Variants in IGSF9B observed in about 807,000 individuals in gnomAD.
The protein encoded by IGSF9B is immunoglobulin superfamily member 9B.
Under a neutral mutation model 143.7 loss-of-function variants are expected in IGSF9B, and 48 were observed. The observed-to-expected ratio is 0.33, with a 90% CI of 0.26 to 0.42. The LOEUF (loss-of-function observed/expected upper bound fraction) is 0.42. Ranked by LOEUF, IGSF9B falls within the 20% of genes least tolerant of loss-of-function variation. IGSF9B has a pLI of 1.00. For missense variants in IGSF9B, 1,706 were observed against 1,980.0 expected, an observed-to-expected ratio of 0.86 and a Z score of 2.63; for synonymous variants, 903 against 833.1, an observed-to-expected ratio of 1.08 and a Z score of -1.44.
In IGSF9B at chr11:133,921,100, C is replaced by G. The variant is rs535240111; in HGVS notation, c.2625G>C (p.Glu875Asp). The change falls in exon 18 of 20, where the codon GAG becomes GAC. Residue 875 changes from glutamate (E) to aspartate (D), a missense_variant. Coordinates refer to ENST00000533871, the MANE Select transcript of IGSF9B (RefSeq NM_001277285.4). ...CCGTCTCCTCGGCGAAGGGGAAGCC[C>G]TCGATGCGCCTGCTCTTCAGCGAGG... ...MEPSLKSRRI[E>D]GFPFAEETDM... 3 of 1,613,772 alleles carry G rather than the reference C, an allele frequency of 1.9e-6. No homozygotes were observed. Among genetic ancestry groups the G allele is most frequent in the Admixed American group, 3.3e-5 (2 of 60,012 alleles).
rs1939249017 is a variant in IGSF9B, at chr11:133,908,602, C to G, written c.*467G>C. ...ACATATATATATATATATATACACA[C>G]ATAGAGAAACCCACACACTACAGAC... On this transcript the variant is annotated 3_prime_UTR_variant, in exon 20 of 20. Coordinates refer to ENST00000533871, the MANE Select transcript of IGSF9B (RefSeq NM_001277285.4). 6.5e-6 allele frequency: 1 copy of G among 154,162 alleles called. No homozygotes were observed. Among genetic ancestry groups the G allele is most frequent in the South Asian group, 2.0e-4 (1 of 4,966 alleles). The allele number at this position is 154,162 out of a possible 1,614,324, so 9.5% of individuals were successfully genotyped here.
intron 1 of IGSF9B, among the ~76,000 whole-genome samples, chr11:133,949,562 T>G (rs1940121494): frequency 1.3e-5 from 2 of 151,606 alleles, no homozygotes; most frequent in Non-Finnish European, 2.9e-5. Flanking sequence ...AGGTGCAAAG[T>G]GGAGAGCAAA....
chr11:133,916,820 A>G (rs974670747), intron 18 of IGSF9B, among the ~76,000 whole-genome samples: 1 of 152,072 alleles, frequency 6.6e-6, no homozygotes, highest in East Asian at 1.9e-4. Context: ...TGGAGGAGTC[A>G]CAGCTGGGAC....
chr11:133,918,935 G>A (rs1415886721), intron 18 of IGSF9B: 4 of 462,946 alleles, frequency 8.6e-6, no homozygotes, highest in Admixed American at 4.7e-5. Context: ...ACTGGAGAAG[G>A]AAGGAGGGGC....
intron 17 of IGSF9B, 66 bp downstream of exon 17, chr11:133,922,111 C>T (rs1939549688): frequency 2.2e-6 from 3 of 1,350,234 alleles, no homozygotes; most frequent in African/African-American, 2.9e-5. Context: ...CTGGGTAAGG[C>T]GAGCGGTCTA....
At chr11:133,924,777 C>A in intron 15 of IGSF9B, 43 bp downstream of exon 15, 1 of 1,505,376 alleles carries the variant, frequency 6.6e-7, no homozygotes, top group South Asian at 1.1e-5. Flanking sequence ...AGCTCTGGGG[C>A]TTATGTCCCT....
intron 1 of IGSF9B, 52 bp downstream of exon 1, chr11:133,956,639 G>T: frequency 1.6e-6 from 2 of 1,285,396 alleles, no homozygotes; most frequent in South Asian, 1.3e-5. Context: ...CCGGGCGCGA[G>T]GGGCCGAGGG....
In IGSF9B at chr11:133,903,034, C is replaced by T. The variant is rs1002491914; in HGVS notation, c.*6035G>A. Among the ~76,000 whole-genome samples the T allele has an allele frequency of 6.6e-6, 1 of 152,086 alleles. No individual in the cohort carries two copies. ...CCCAACCCCCTGCCCTCCGAGATTC[C>T]CTGCCCCTCCCACCACCTCCCCATC... is the stretch of plus-strand genomic sequence containing the variant. On this transcript the variant is annotated 3_prime_UTR_variant, in exon 20 of 20. Coordinates refer to ENST00000533871, the MANE Select transcript of IGSF9B (RefSeq NM_001277285.4).
Position 133,920,211 on chromosome 11 carries a change from C to G in IGSF9B, c.3514G>C (p.Glu1172Gln), listed in dbSNP as rs960274866. The G allele has an allele frequency of 1.3e-6, 2 of 1,514,684 alleles. No homozygotes were observed. Among genetic ancestry groups the G allele is most frequent in the Middle Eastern group, 1.8e-4 (1 of 5,596 alleles). 93.8% of individuals were successfully genotyped at this position (1,514,684 alleles called of 1,614,324 possible). A position where few individuals can be genotyped will look rare whatever the true frequency, so the allele number is the denominator to read the frequency against. Residue 1172 changes from glutamate to glutamine, a missense_variant, in exon 18 of 20, where the codon GAG becomes CAG. This residue lies in a region of IGSF9B where 880 missense variants were observed against 762.9 expected (regional missense o/e 1.15). Coordinates refer to ENST00000533871, the MANE Select transcript of IGSF9B (RefSeq NM_001277285.4). The stretch of plus-strand genomic sequence containing the variant: ...CTAGGCCGGGGCCGGGGCTGGGGCT[C>G]ATACCACCGGGTGTCCAGGCCAAAT... ...STFGLDTRWY[E>Q]PQPRPRPSPR...
At position 133,925,820 on chromosome 11, in the gene IGSF9B, G is replaced by A. The variant is rs1033560351; in HGVS notation, c.1953C>T (p.Phe651=). The change falls in exon 14 of 20, where the codon TTC becomes TTT. Residue 651 remains phenylalanine (F), a synonymous_variant. Coordinates refer to ENST00000533871, the MANE Select transcript of IGSF9B (RefSeq NM_001277285.4). Reference sequence around the variant, plus strand: ...GCAACTCCCAGCGCTCTGCGACACGGAACTCCATGATGTAGCGGTCGATGG... The same window carrying A: ...GCAACTCCCAGCGCTCTGCGACACGAAACTCCATGATGTAGCGGTCGATGG... ...SFPIDRYIME[F]RVAERWELLD... is the part of the protein sequence containing the mutation. 1 of 1,613,818 alleles carries A rather than the reference G, an allele frequency of 6.2e-7. No homozygotes were observed. The highest frequency in any genetic ancestry group is 2.2e-5 in the East Asian group (1 of 44,892).
Position 133,909,333 on chromosome 11 carries a change from C to T in IGSF9B, c.4106-56G>A, listed in dbSNP as rs779900599. On this transcript the variant is annotated intron_variant, in intron 19 of 19. Transcript: ENST00000533871. The surrounding 1 kb of genome is among the most constrained non-coding windows in gnomAD (Gnocchi z 4.2). ...GAAGCAAGCGGATGAAAAGGAAGCA[C>T]GCAGCCTGCTCACCTTTTCCACCTG... 9.8e-6 allele frequency: 13 copies of T among 1,333,322 alleles called. No homozygotes were observed. Among genetic ancestry groups the T allele is most frequent in the African/African-American group, 4.4e-5 (3 of 68,878 alleles). The allele number at this position is 1,333,322 out of a possible 1,614,324, so 82.6% of individuals were successfully genotyped here.
intron 18 of IGSF9B, chr11:133,919,130 G>T: frequency 2.7e-6 from 1 of 374,928 alleles, no homozygotes; most frequent in South Asian, 1.8e-5. Context: ...GGGGGGGGGT[G>T]GGGGACGTGT....
chr11:133,927,128 G>A (rs755332222), intron 12 of IGSF9B, 37 bp from the exon 13 acceptor site: 1 of 1,508,510 alleles, frequency 6.6e-7, no homozygotes, highest in South Asian at 1.2e-5. Flanking sequence ...GGGACGAGGG[G>A]CGGGGTGGGT....
chr11:133,940,470 G>A (rs570462797), intron 3 of IGSF9B, among the ~76,000 whole-genome samples: 78 of 127,442 alleles, frequency 6.1e-4, no homozygotes, highest in African/African-American at 1.8e-3. Flanking sequence ...GTCCTCGCAC[G>A]CGTCATCGCA....
chr11:133,900,365 G>A lies in IGSF9B; in HGVS notation c.*8704C>T, dbSNP rs745633240. ...TTCAAATACATCACTCCGAGCTCCG[G>A]GCAAGTCAGGAAGGAGCTAGCACCA... On this transcript the variant is annotated 3_prime_UTR_variant, in exon 20 of 20. Transcript: ENST00000533871. 3.9e-5 allele frequency: 6 copies of A among 152,754 alleles called. No homozygotes were observed. Among genetic ancestry groups the A allele is most frequent in the Admixed American group, 2.6e-4 (4 of 15,280 alleles). The allele number at this position is 152,754 out of a possible 1,614,324, so 9.5% of individuals were successfully genotyped here. A position where few individuals can be genotyped will look rare whatever the true frequency, so the allele number is the denominator to read the frequency against.
rs1939205593 is a variant in IGSF9B at position 133,905,980 on chromosome 11, A to G, written c.*3089T>C. On this transcript the variant is annotated 3_prime_UTR_variant, in exon 20 of 20. Transcript: ENST00000533871. This position sits in a 1 kb window ranked among gnomAD's most constrained non-coding sequence, Gnocchi z 4.0. ...TGGTCTGTGGGTCACCTGACACTAC[A>G]ACAGCCACAGTTCTCAGCCATGATG... Among the ~76,000 whole-genome samples, 1 of 152,252 alleles carries G rather than the reference A, an allele frequency of 6.6e-6. No individual in the cohort carries two copies. The highest frequency in any genetic ancestry group is 2.1e-4 in the South Asian group (1 of 4,834).
intron 18 of IGSF9B, chr11:133,912,469 AG>A (rs1939316114): frequency 9.5e-6 from 4 of 420,202 alleles, no homozygotes; most frequent in South Asian, 3.5e-5. Context: ...TCTCCAGAAA[AG>A]GGGGTGCTAA....
In IGSF9B at chr11:133,908,932, C is replaced by A; in HGVS notation, c.*137G>T. The A allele has an allele frequency of 1.4e-6, 1 of 730,536 alleles. No individual in the cohort carries two copies. The highest frequency in any genetic ancestry group is 2.6e-5 in the Admixed American group (1 of 38,764). 45.3% of individuals were successfully genotyped at this position (730,536 alleles called of 1,614,324 possible). A position where few individuals can be genotyped will look rare whatever the true frequency, so the allele number is the denominator to read the frequency against. On this transcript the variant is annotated 3_prime_UTR_variant, in exon 20 of 20. Coordinates refer to ENST00000533871, the MANE Select transcript of IGSF9B (RefSeq NM_001277285.4). ...GCCAGGATCTGGAGGGAGACACCCGCTCTGGCAAAAGAGGGGGCATGCAGG... is the reference window on the plus strand; with the variant it reads ...GCCAGGATCTGGAGGGAGACACCCGATCTGGCAAAAGAGGGGGCATGCAGG...
At chr11:133,952,340 G>C (rs1376265960) in intron 1 of IGSF9B, 4 of 246,888 alleles carry the variant, frequency 1.6e-5, no homozygotes, top group Admixed American at 1.4e-4. Context: ...GAGGCCCTGG[G>C]CTGGGGCCTG....
Sources: allele counts gnomAD v4.1 joint callset (sites outside exome capture counted in the v4.1 genomes callset), GRCh38; gene constraint gnomAD v4.1.1; regional missense constraint gnomAD v4.1.1; non-coding constraint Gnocchi (gnomAD v3.1); transcripts MANE v1.5; gene names NCBI Gene and HGNC (gene_info 2026-07-23, HGNC 2026-07-21).